STX8: variants seen among roughly 807,000 people sequenced by gnomAD.
The protein encoded by STX8 is syntaxin 8.
A neutral mutation model predicts 37.5 loss-of-function variants in STX8; 23 were observed. The observed-to-expected ratio is 0.61, with a 90% CI of 0.44 to 0.87. The LOEUF (loss-of-function observed/expected upper bound fraction) is 0.87, where lower values mean the gene tolerates loss of function less well. Ranked by LOEUF, STX8 falls within the 40% of genes least tolerant of loss-of-function variation. The probability of loss-of-function intolerance (pLI) is 0.00; values close to 1 mark genes in which losing one functional copy is unlikely to be tolerated. For missense variants in STX8, 313 were observed against 284.7 expected (o/e 1.10, Z -0.71); for synonymous variants, 115 against 99.1 (o/e 1.16, Z -0.95).
chr17:9,312,278 C>T (rs564739454), intron 7 of STX8, among the ~76,000 whole-genome samples: 128 of 151,768 alleles, frequency 8.4e-4, no homozygotes, highest in Middle Eastern at 3.4e-3. Flanking sequence ...CTTGGCTCAC[C>T]GCAACCTCCA....
chr17:9,357,363 CGGAA>C (rs1181356858), intron 7 of STX8, among the ~76,000 whole-genome samples: 1 of 152,002 alleles, frequency 6.6e-6, no homozygotes, highest in Non-Finnish European at 1.5e-5. Flanking sequence ...TCCCAACTGA[CGGAA>C]CCTCTCTGAG....
In STX8 at chr17:9,460,545, C is replaced by A. The variant is rs1230653386; in HGVS notation, c.541+31284G>T. Among the ~76,000 whole-genome samples, 8 of 151,610 alleles carry A rather than the reference C, an allele frequency of 5.3e-5. No individual in the cohort carries two copies. In the East Asian group the frequency reaches 1.6e-3, roughly 29 times the overall value. ...AAAATTAGCTGGGCCTGGTGGTGGG[C>A]GCCTGTAGTCCCAGCTACTCAGGAG... is the stretch of plus-strand genomic sequence containing the variant. On this transcript the variant is annotated intron_variant, in intron 6 of 7. Transcript: ENST00000306357.
intron 3 of STX8, among the ~76,000 whole-genome samples, chr17:9,551,904 A>C (rs559858057): frequency 6.6e-6 from 1 of 152,038 alleles, no homozygotes; most frequent in Non-Finnish European, 1.5e-5. Context: ...GGGGGGGTGT[A>C]ACTTATATAG....
At chr17:9,521,806 C>G (rs1314328548) in intron 4 of STX8, among the ~76,000 whole-genome samples, 3 of 152,144 alleles carry the variant, frequency 2.0e-5, no homozygotes, top group Non-Finnish European at 4.4e-5. Context: ...TAGTCCAGAA[C>G]AAATAAGAAT....
chr17:9,465,183 T>G (rs1905558408), intron 6 of STX8, among the ~76,000 whole-genome samples: 1 of 151,532 alleles, frequency 6.6e-6, no homozygotes. Flanking sequence ...AGAGGATTAT[T>G]ACTTGAAGTT....
intron 7 of STX8, among the ~76,000 whole-genome samples, chr17:9,304,507 C>CAAAAA (rs35673905): frequency 5.3e-5 from 3 of 56,866 alleles, no homozygotes; most frequent in East Asian, 5.8e-4. Flanking sequence ...GAAACTGTCT[C>CAAAAA]AAAAAAAAAA....
chr17:9,356,023 A>G (rs1910871036), intron 7 of STX8, among the ~76,000 whole-genome samples: 1 of 151,950 alleles, frequency 6.6e-6, no homozygotes, highest in Admixed American at 6.6e-5. Context: ...TTCACAGACC[A>G]CCTCTCAGTT....
At chr17:9,422,215 C>T (rs1240355021) in intron 6 of STX8, among the ~76,000 whole-genome samples, 1 of 152,022 alleles carries the variant, frequency 6.6e-6, no homozygotes, top group Non-Finnish European at 1.5e-5. Flanking sequence ...AGCAATTCTC[C>T]TGCCTCAGCC....
At chr17:9,251,869 A>G (rs1043461035) in intron 7 of STX8, among the ~76,000 whole-genome samples, 1 of 152,232 alleles carries the variant, frequency 6.6e-6, no homozygotes, top group African/African-American at 2.4e-5. Flanking sequence ...AGACTTAAAA[A>G]TGTATGGCAA....
At chr17:9,378,717 G>T in intron 6 of STX8, 64 bp from the exon 7 acceptor site, 1 of 1,218,952 alleles carries the variant, frequency 8.2e-7, no homozygotes, top group East Asian at 2.3e-5. Flanking sequence ...CAGTATCACA[G>T]CTGTGGTTGT....
intron 7 of STX8, among the ~76,000 whole-genome samples, chr17:9,367,465 GGGCCCCATGGTTATAAGGC>G (rs1346615911): frequency 6.6e-6 from 1 of 152,124 alleles, no homozygotes; most frequent in Non-Finnish European, 1.5e-5. Context: ...CCTCCAGTCA[GGGCCCCATGGTTATAAGGC>G]AGCCAGAGTC....
intron 4 of STX8, among the ~76,000 whole-genome samples, chr17:9,510,705 G>A (rs922532885): frequency 1.3e-5 from 2 of 151,728 alleles, no homozygotes; most frequent in Non-Finnish European, 2.9e-5. Context: ...GTATCTCAAG[G>A]AAACTAGGAA....
chr17:9,441,385 G>T (rs1387582648), intron 6 of STX8, among the ~76,000 whole-genome samples: 1 of 151,140 alleles, frequency 6.6e-6, no homozygotes, highest in South Asian at 2.1e-4. Context: ...AGCTACTTGG[G>T]AGGCTGAGGC....
intron 7 of STX8, among the ~76,000 whole-genome samples, chr17:9,357,314 G>C (rs965352058): frequency 6.6e-6 from 1 of 152,056 alleles, no homozygotes; most frequent in East Asian, 1.9e-4. Flanking sequence ...TCTCCTCTGA[G>C]TGAAATACCT....
At chr17:9,562,067 T>C (rs1169305158) in intron 2 of STX8, among the ~76,000 whole-genome samples, 1 of 150,378 alleles carries the variant, frequency 6.6e-6, no homozygotes, top group African/African-American at 2.4e-5. Flanking sequence ...TATGACTAAA[T>C]ATATGGAAGC....
rs79760099 is a variant in STX8, at chr17:9,425,445, A to G, written c.542-46792T>C. Among the ~76,000 whole-genome samples the G allele has an allele frequency of 3.1e-3, 472 of 152,264 alleles. 9 individuals are homozygous for G. The East Asian group carries it at 0.037, about 12-fold the overall frequency. ...AATGGTAAATGACATGATTCTTTTG[A>G]TTGTCATTAAAATAAAGAGGTACAC... On this transcript the variant is annotated intron_variant, in intron 6 of 7. Coordinates refer to ENST00000306357, the MANE Select transcript of STX8 (RefSeq NM_004853.3).
intron 7 of STX8, among the ~76,000 whole-genome samples, chr17:9,337,256 G>T (rs1446815524): frequency 6.6e-6 from 1 of 152,180 alleles, no homozygotes; most frequent in Non-Finnish European, 1.5e-5. Context: ...GGAAGAAAAA[G>T]AGCTCATTAG....
At chr17:9,529,132 T>C (rs953409263) in intron 4 of STX8, among the ~76,000 whole-genome samples, 4 of 151,656 alleles carry the variant, frequency 2.6e-5, no homozygotes, top group Non-Finnish European at 5.9e-5. Context: ...CATTCTGTCT[T>C]AACTTTATAG....
chr17:9,529,659 T>A (rs1454784699), intron 4 of STX8, among the ~76,000 whole-genome samples: 2 of 152,216 alleles, frequency 1.3e-5, no homozygotes, highest in Admixed American at 1.3e-4. Flanking sequence ...TAGCATGAAC[T>A]GTGTAAACTC....
Sources: allele counts gnomAD v4.1 joint callset (sites outside exome capture counted in the v4.1 genomes callset), GRCh38; gene constraint gnomAD v4.1.1; transcripts MANE v1.5; gene names NCBI Gene and HGNC (gene_info 2026-07-23, HGNC 2026-07-21).